CHL1: variants seen among roughly 807,000 people sequenced by gnomAD.
The protein encoded by CHL1 is neural cell adhesion molecule L1-like protein.
CHL1 carries 96 observed loss-of-function variants against 141.9 expected under a neutral mutation model. The observed-to-expected ratio is 0.68, with a 90% CI of 0.57 to 0.80. The LOEUF (loss-of-function observed/expected upper bound fraction) is 0.80. Among genes scored for constraint, CHL1 ranks in the 30% least tolerant of loss-of-function variants. CHL1 has a pLI of 0.00. For missense variants in CHL1, 1,820 were observed against 1,457.2 expected (o/e 1.25, Z -4.05); for synonymous variants, 613 against 502.2 (o/e 1.22, Z -2.95).
At chr3:285,900 G>C (rs550801682) in intron 2 of CHL1, among the ~76,000 whole-genome samples, 1 of 152,202 alleles carries the variant, frequency 6.6e-6, no homozygotes, top group South Asian at 2.1e-4. Flanking sequence ...GAGAGAGAAA[G>C]CAGTGTTTCC....
At chr3:322,645 A>AATATATATATATATATATATATAATTAT (rs1700667856) in intron 3 of CHL1, among the ~76,000 whole-genome samples, 22 of 130,224 alleles carry the variant, frequency 1.7e-4, no homozygotes, top group African/African-American at 5.6e-4. Context: ...ATATATATAA[A>AATATATATATATATATATATATAATTAT]ATATATATAT....
At chr3:341,527 T>C (rs191974724) in intron 6 of CHL1, among the ~76,000 whole-genome samples, 11 of 152,282 alleles carry the variant, frequency 7.2e-5, no homozygotes, top group African/African-American at 2.4e-4. Flanking sequence ...TCTTTTTAAA[T>C]CATGTTTTAA....
At chr3:256,882 C>G (rs1694226885) in intron 2 of CHL1, among the ~76,000 whole-genome samples, 1 of 152,164 alleles carries the variant, frequency 6.6e-6, no homozygotes, top group African/African-American at 2.4e-5. Context: ...GCCTTGGAAT[C>G]TGGGCAAAAG....
At chr3:261,844 A>G (rs1430846979) in intron 2 of CHL1, among the ~76,000 whole-genome samples, 2 of 152,150 alleles carry the variant, frequency 1.3e-5, no homozygotes, top group Admixed American at 1.3e-4. Flanking sequence ...TACTGGAAAG[A>G]AATTGAACAA....
chr3:256,260 A>C (rs1379625776), intron 2 of CHL1, among the ~76,000 whole-genome samples: 1 of 152,232 alleles, frequency 6.6e-6, no homozygotes, highest in African/African-American at 2.4e-5. Context: ...CTGGCACTTC[A>C]TGAAATCTCC....
intron 1 of CHL1, among the ~76,000 whole-genome samples, chr3:242,315 G>GT (rs1226841577): frequency 1.7e-5 from 1 of 60,122 alleles, no homozygotes; most frequent in Non-Finnish European, 4.6e-5. Context: ...TACAGAGACT[G>GT]GCTGAGCGCG....
chr3:383,781 A>C (rs1707343629), intron 18 of CHL1, 35 bp from the exon 19 acceptor site: 1 of 1,532,652 alleles, frequency 6.5e-7, no homozygotes, highest in East Asian at 2.3e-5. Flanking sequence ...TATGGGTTAA[A>C]AGGAAAAATA....
chr3:324,018 T>C (rs1321177655), intron 3 of CHL1, among the ~76,000 whole-genome samples: 1 of 152,140 alleles, frequency 6.6e-6, no homozygotes, highest in African/African-American at 2.4e-5. Flanking sequence ...TGAAAGACAT[T>C]TTGAAAGACT....
At position 408,693 on chromosome 3, in the gene CHL1, T is replaced by G. The variant is rs570957516; in HGVS notation, c.*2982T>G. On this transcript the variant is annotated 3_prime_UTR_variant, in exon 28 of 28. Coordinates refer to ENST00000256509, the MANE Select transcript of CHL1 (RefSeq NM_006614.4). The stretch of plus-strand genomic sequence containing the variant: ...ATCTACATAAAATAAATCTACTGTT[T>G]AGTGAGCAGTATGATTTGTACATGC... 9 of 152,242 alleles carry G rather than the reference T, an allele frequency of 5.9e-5. No individual in the cohort carries two copies. The highest frequency in any genetic ancestry group is 1.7e-4 in the African/African-American group (7 of 41,550). 9.4% of individuals were successfully genotyped at this position (152,242 alleles called of 1,614,324 possible). A position where few individuals can be genotyped will look rare whatever the true frequency, so the allele number is the denominator to read the frequency against.
At chr3:382,035 A>C in intron 16 of CHL1, 144 bp from the exon 17 acceptor site, 1 of 461,224 alleles carries the variant, frequency 2.2e-6, no homozygotes, top group Non-Finnish European at 3.8e-6. Flanking sequence ...TCCCTTCCAT[A>C]TGTGGGGTGG....
intron 1 of CHL1, among the ~76,000 whole-genome samples, chr3:238,901 C>A (rs551535034): frequency 2.3e-4 from 35 of 152,132 alleles, no homozygotes; most frequent in Non-Finnish European, 4.3e-4. Flanking sequence ...CCATTGCACT[C>A]CAGCCTGGGT....
At chr3:400,518 AAGAGAAT>A (rs1709035953) in intron 26 of CHL1, among the ~76,000 whole-genome samples, 2 of 152,108 alleles carry the variant, frequency 1.3e-5, no homozygotes, top group African/African-American at 4.8e-5. Context: ...TAGAGCAACT[AAGAGAAT>A]CTACTAGGTC....
At chr3:225,737 T>G (rs148233699) in intron 1 of CHL1, among the ~76,000 whole-genome samples, 2 of 152,034 alleles carry the variant, frequency 1.3e-5, no homozygotes, top group Admixed American at 1.3e-4. Flanking sequence ...TGGCCAAGCG[T>G]GGTGGCTCAC....
chr3:219,576 ACTAATGCAGGAC>A (rs1180034905), intron 1 of CHL1, among the ~76,000 whole-genome samples: 1 of 152,200 alleles, frequency 6.6e-6, no homozygotes, highest in East Asian at 1.9e-4. Context: ...TCCTTAGCAA[ACTAATGCAGGAC>A]CTAATGCAGG....
intron 2 of CHL1, among the ~76,000 whole-genome samples, chr3:300,169 A>C (rs969968967): frequency 6.6e-6 from 1 of 152,224 alleles, no homozygotes; most frequent in African/African-American, 2.4e-5. Context: ...TGAAACTAAA[A>C]CTAATAAGAC....
chr3:381,927 C>A (rs577141307), intron 16 of CHL1, among the ~76,000 whole-genome samples: 2 of 151,788 alleles, frequency 1.3e-5, no homozygotes, highest in Non-Finnish European at 2.9e-5. Flanking sequence ...GCTTCCTTGG[C>A]TATTGTTTAA....
At chr3:207,158 A>T (rs550049470) in intron 1 of CHL1, among the ~76,000 whole-genome samples, 133 of 152,348 alleles carry the variant, frequency 8.7e-4, no homozygotes, top group African/African-American at 3.1e-3. Context: ...TTTGTTTGGG[A>T]TATTTACAAG....
chr3:356,001 C>T (rs1233986972), intron 11 of CHL1, among the ~76,000 whole-genome samples: 3 of 152,118 alleles, frequency 2.0e-5, no homozygotes, highest in African/African-American at 7.2e-5. Flanking sequence ...AAACATCATG[C>T]AGAGAATGCT....
chr3:237,553 A>G (rs1692116657), intron 1 of CHL1, among the ~76,000 whole-genome samples: 2 of 152,214 alleles, frequency 1.3e-5, no homozygotes, highest in African/African-American at 4.8e-5. Context: ...GAGTGATGCA[A>G]TAAGAAAGAG....
Sources: gnomAD v4.1 joint callset for allele counts (sites outside exome capture counted in the v4.1 genomes callset) on GRCh38, gnomAD v4.1.1 for gene constraint, MANE v1.5 for transcripts, NCBI Gene and HGNC (gene_info 2026-07-23, HGNC 2026-07-21) for gene names.